Variants in FAM78B observed in about 807,000 individuals in gnomAD.
FAM78B encodes the protein protein FAM78B.
In FAM78B, 10 loss-of-function variants were observed where a neutral mutation model predicts 20.0. The ratio of observed to expected loss-of-function variants is 0.50; its 90% confidence interval spans 0.31 to 0.85. The LOEUF (loss-of-function observed/expected upper bound fraction) is 0.85. Among genes scored for constraint, FAM78B ranks in the 40% least tolerant of loss-of-function variants. The pLI is 0.05. For missense variants in FAM78B, 283 were observed against 345.0 expected, an observed-to-expected ratio of 0.82 and a Z score of 1.42; for synonymous variants, 135 against 132.8, an observed-to-expected ratio of 1.02 and a Z score of -0.12.
At chr1:166,076,648 T>G (rs1231295498) in intron 1 of FAM78B, among the ~76,000 whole-genome samples, 1 of 152,182 alleles carries the variant, frequency 6.6e-6, no homozygotes, top group Non-Finnish European at 1.5e-5. Context: ...AAGGCAAGGA[T>G]TTTTATATAT....
At chr1:166,152,589 C>G (rs528110960) in intron 1 of FAM78B, among the ~76,000 whole-genome samples, 83 of 152,236 alleles carry the variant, frequency 5.5e-4, no homozygotes, top group African/African-American at 1.9e-3. Context: ...ATCAATCCCC[C>G]TTTAACCTGT....
chr1:166,074,459 G>A (rs1239814817), intron 1 of FAM78B, among the ~76,000 whole-genome samples: 1 of 152,104 alleles, frequency 6.6e-6, no homozygotes, highest in Non-Finnish European at 1.5e-5. Context: ...TAGATTACAG[G>A]TTTCTTGAGC....
At chr1:166,100,639 T>G (rs995861566) in intron 1 of FAM78B, among the ~76,000 whole-genome samples, 46 of 152,152 alleles carry the variant, frequency 3.0e-4, no homozygotes, top group African/African-American at 1.1e-3. Context: ...GCAGCAAGGC[T>G]GGGGGAGGGG....
chr1:166,142,706 C>T (rs1287307511), intron 1 of FAM78B, among the ~76,000 whole-genome samples: 2 of 152,190 alleles, frequency 1.3e-5, no homozygotes, highest in East Asian at 1.9e-4. Flanking sequence ...CTTACCCTTA[C>T]CACTGTAGCA....
chr1:166,102,275 T>A (rs527583222), intron 1 of FAM78B, among the ~76,000 whole-genome samples: 1 of 152,148 alleles, frequency 6.6e-6, no homozygotes, highest in East Asian at 1.9e-4. Context: ...TAAAGACCGT[T>A]GAGGCTAGGA....
At chr1:166,119,522 C>T (rs888744682) in intron 1 of FAM78B, among the ~76,000 whole-genome samples, 1 of 152,224 alleles carries the variant, frequency 6.6e-6, no homozygotes, top group Non-Finnish European at 1.5e-5. Context: ...CGACAAGAAT[C>T]AATCAGCCCA....
At chr1:166,056,249 T>C (rs1427827544), downstream of FAM78B, among the ~76,000 whole-genome samples, 1 of 152,102 alleles carries the variant, frequency 6.6e-6, no homozygotes, top group African/African-American at 2.4e-5. Context: ...GTCTCCTTGC[T>C]CTCCCTCTTT....
intron 1 of FAM78B, among the ~76,000 whole-genome samples, chr1:166,090,170 A>G (rs1225589865): frequency 6.6e-6 from 1 of 152,198 alleles, no homozygotes; most frequent in Non-Finnish European, 1.5e-5. Flanking sequence ...CCCAGTGTCT[A>G]CTTTCTGGCC....
At chr1:166,162,428 C>T (rs1656182110) in intron 1 of FAM78B, among the ~76,000 whole-genome samples, 1 of 152,144 alleles carries the variant, frequency 6.6e-6, no homozygotes, top group Admixed American at 6.5e-5. Context: ...ATTAAAAGTT[C>T]CCTTATAGCC....
At chr1:166,164,533 A>G (rs1303442704) in intron 1 of FAM78B, among the ~76,000 whole-genome samples, 1 of 152,226 alleles carries the variant, frequency 6.6e-6, no homozygotes, top group East Asian at 1.9e-4. Context: ...CATATTGGAA[A>G]CTGGGCCTCA....
chr1:166,148,297 CT>C (rs1185548805), intron 1 of FAM78B, among the ~76,000 whole-genome samples: 1 of 152,208 alleles, frequency 6.6e-6, no homozygotes, highest in Non-Finnish European at 1.5e-5. Flanking sequence ...AAATTATTTG[CT>C]GTGCCCAGCT....
downstream of FAM78B, among the ~76,000 whole-genome samples, chr1:166,056,643 C>T (rs2101937773): frequency 6.6e-6 from 1 of 152,256 alleles, no homozygotes; most frequent in Admixed American, 6.5e-5. Flanking sequence ...TTGATCAGAT[C>T]CTAGGTGGCA....
intron 1 of FAM78B, among the ~76,000 whole-genome samples, chr1:166,083,216 T>C (rs574835340): frequency 7.2e-5 from 11 of 152,222 alleles, no homozygotes; most frequent in Non-Finnish European, 1.5e-4. Context: ...GTTGTGGGAC[T>C]ATAGGAGTTT....
chr1:166,153,675 T>C (rs1435780528), intron 1 of FAM78B, among the ~76,000 whole-genome samples: 1 of 151,984 alleles, frequency 6.6e-6, no homozygotes, highest in Admixed American at 6.5e-5. Context: ...AACAGGACTA[T>C]GTAAGGGGGA....
At chr1:166,162,056 C>T (rs1390143475) in intron 1 of FAM78B, among the ~76,000 whole-genome samples, 5 of 152,162 alleles carry the variant, frequency 3.3e-5, no homozygotes, top group South Asian at 2.1e-4. Flanking sequence ...GGAAAAATAG[C>T]ATAGAAGTTA....
intron 1 of FAM78B, among the ~76,000 whole-genome samples, chr1:166,095,190 G>A (rs1394389206): frequency 6.6e-6 from 1 of 152,168 alleles, no homozygotes; most frequent in Non-Finnish European, 1.5e-5. Context: ...CAGGGTGGTT[G>A]CATTTCCCCG....
intron 1 of FAM78B, among the ~76,000 whole-genome samples, chr1:166,120,859 C>T (rs1445284924): frequency 6.6e-6 from 1 of 152,224 alleles, no homozygotes; most frequent in Non-Finnish European, 1.5e-5. Context: ...CCATATCCGC[C>T]AACACCATTT....
chr1:166,151,117 T>C (rs942588535), intron 1 of FAM78B, among the ~76,000 whole-genome samples: 5 of 152,106 alleles, frequency 3.3e-5, no homozygotes, highest in Non-Finnish European at 5.9e-5. Context: ...ATTTGAACAC[T>C]TGAGACTGGA....
intron 1 of FAM78B, among the ~76,000 whole-genome samples, chr1:166,154,511 T>C (rs370626033): frequency 2.6e-5 from 4 of 152,340 alleles, no homozygotes; most frequent in African/African-American, 9.6e-5. Context: ...TAGACATCCC[T>C]TGGGCTGATG....
Sources: allele counts gnomAD v4.1 joint callset (sites outside exome capture counted in the v4.1 genomes callset), GRCh38; gene constraint gnomAD v4.1.1; transcripts MANE v1.5; gene names NCBI Gene and HGNC (gene_info 2026-07-23, HGNC 2026-07-21).